The following GNPAT variants were observed in gnomAD, a reference collection of about 807,000 sequenced individuals.
The protein encoded by GNPAT is glyceronephosphate O-acyltransferase.
A neutral mutation model predicts 78.4 loss-of-function variants in GNPAT; 30 were observed. The ratio of observed to expected loss-of-function variants is 0.38; its 90% CI spans 0.29 to 0.52. The LOEUF (loss-of-function observed/expected upper bound fraction) is 0.52. Ranked by LOEUF, GNPAT falls within the 20% of genes least tolerant of loss-of-function variation. GNPAT has a pLI of 0.84. For missense variants in GNPAT, 714 were observed against 812.2 expected, an observed-to-expected ratio of 0.88 and a Z score of 1.47; for synonymous variants, 271 against 281.1, an observed-to-expected ratio of 0.96 and a Z score of 0.36.
rs562281255 is a variant in GNPAT, at chr1:231,241,269, G to A, written c.-110G>A. On this transcript the variant is annotated 5_prime_UTR_variant, in exon 1 of 16. Transcript: ENST00000366647. The stretch of plus-strand genomic sequence containing the variant: ...CTGTGTAGCGGCTGCAGAGGGTGCC[G>A]CCGCCCTAGGCGAAGTAGGGCCGTC... 26 of 1,410,728 alleles carry A rather than the reference G, an allele frequency of 1.8e-5. No individual in the cohort carries two copies. The highest frequency in any genetic ancestry group is 5.7e-5 in the South Asian group (5 of 87,072). 87.4% of individuals were successfully genotyped at this position (1,410,728 alleles called of 1,614,324 possible).
At chr1:231,269,501 C>T (rs574638728) in intron 9 of GNPAT, among the ~76,000 whole-genome samples, 6 of 152,264 alleles carry the variant, frequency 3.9e-5, no homozygotes, top group East Asian at 1.9e-4. Context: ...ATGCCTGAGC[C>T]GCAGCAGTGG....
At chr1:231,252,886 G>A (rs566143823) in intron 2 of GNPAT, among the ~76,000 whole-genome samples, 50 of 149,800 alleles carry the variant, frequency 3.3e-4, no homozygotes, top group Non-Finnish European at 6.1e-4. Context: ...GCTCACTCTC[G>A]TCTTCCCCAT....
chr1:231,260,736 A>C, intron 3 of GNPAT, 53 bp downstream of exon 3: 1 of 1,215,818 alleles, frequency 8.2e-7, no homozygotes, highest in Non-Finnish European at 1.2e-6. Flanking sequence ...TCTTAAAATT[A>C]AACAAAAAAA....
rs750882112 is a variant in GNPAT at position 231,251,127 on chromosome 1, A to G, written c.245A>G (p.His82Arg). ...KCSVLNSEEI[H>R]YVIKQLSKES... ...AGTGTTCTCAATTCTGAGGAGATTC[A>G]TTATGTCATTAAACAGGTAAGTGAT... The change falls in exon 2 of 16, where the codon CAT becomes CGT. Residue 82 changes from histidine to arginine, a missense_variant. Coordinates refer to ENST00000366647, the MANE Select transcript of GNPAT (RefSeq NM_014236.4). 1.3e-6 allele frequency: 2 copies of G among 1,577,212 alleles called. No individual in the cohort carries two copies. The highest frequency in any genetic ancestry group is 1.7e-5 in the Admixed American group (1 of 58,844).
chr1:231,273,504 G>C (rs1004026105), intron 11 of GNPAT, among the ~76,000 whole-genome samples: 5 of 152,130 alleles, frequency 3.3e-5, no homozygotes, highest in Non-Finnish European at 5.9e-5. Flanking sequence ...GCCCGCCTCA[G>C]CCTCTCAAAG....
chr1:231,244,341 GA>G (rs571597954), intron 1 of GNPAT, among the ~76,000 whole-genome samples: 5 of 152,300 alleles, frequency 3.3e-5, no homozygotes, highest in African/African-American at 4.8e-5. Flanking sequence ...GTAATCCAGA[GA>G]AGTAATGAAG....
intron 2 of GNPAT, among the ~76,000 whole-genome samples, chr1:231,259,647 CAA>C (rs11446278): frequency 6.8e-5 from 8 of 117,604 alleles, no homozygotes; most frequent in Non-Finnish European, 5.3e-5. Context: ...AACTCCGTCT[CAA>C]AAAAAAAAAA....
chr1:231,241,349 C>T lies in GNPAT; in HGVS notation c.-30C>T. The T allele has an allele frequency of 1.3e-6, 2 of 1,587,714 alleles. No homozygotes were observed. The highest frequency in any genetic ancestry group is 1.7e-6 in the Non-Finnish European group (2 of 1,155,904). ...CACCACCACGGCTTAGCAAAGAATCCCAGACCCCGCCCGGGAAGGCAGCCG... is the reference window on the plus strand; with the variant it reads ...CACCACCACGGCTTAGCAAAGAATCTCAGACCCCGCCCGGGAAGGCAGCCG... On this transcript the variant is annotated 5_prime_UTR_variant, in exon 1 of 16. Transcript: ENST00000366647.
intron 2 of GNPAT, among the ~76,000 whole-genome samples, chr1:231,252,283 G>A (rs1393278881): frequency 1.3e-5 from 2 of 152,202 alleles, no homozygotes; most frequent in Admixed American, 1.3e-4. Context: ...GACCAGTTGG[G>A]TGTAGGAATG....
chr1:231,265,095 G>A (rs551844155), intron 4 of GNPAT, among the ~76,000 whole-genome samples, 198 bp from the exon 5 acceptor site: 3 of 152,318 alleles, frequency 2.0e-5, no homozygotes, highest in Admixed American at 6.5e-5. Context: ...GCTTATGCCT[G>A]TAATCCCAGT....
Position 231,266,296 on chromosome 1 carries a change from A to G in GNPAT, c.944A>G (p.Lys315Arg). 1.2e-6 allele frequency: 2 copies of G among 1,614,168 alleles called. No individual in the cohort carries two copies. The highest frequency in any genetic ancestry group is 1.1e-5 in the South Asian group (1 of 91,082). The stretch of plus-strand genomic sequence containing the variant: ...TATTAGGGGTTGCTGAAAGCCAGAA[A>G]GATTCTCTCTGAAAATTTTGGAAGC... ...ESTTGLLKARKILSENFGSIH... is the reference protein window; with the variant it reads ...ESTTGLLKARRILSENFGSIH... Residue 315 changes from lysine to arginine, a missense_variant, in exon 8 of 16, where the codon AAG (lysine) becomes AGG (arginine). Physicochemically the swap from Lys to Arg is conservative, Grantham distance 26 (BLOSUM62 2). Coordinates refer to ENST00000366647, the MANE Select transcript of GNPAT (RefSeq NM_014236.4).
chr1:231,277,073 A>G (rs1380096254), intron 15 of GNPAT, among the ~76,000 whole-genome samples: 1 of 152,202 alleles, frequency 6.6e-6, no homozygotes, highest in Non-Finnish European at 1.5e-5. Context: ...GGGAAGGCGG[A>G]AGTACTAGAC....
At chr1:231,243,803 C>T (rs142108477) in intron 1 of GNPAT, among the ~76,000 whole-genome samples, 11 of 152,074 alleles carry the variant, frequency 7.2e-5, no homozygotes, top group African/African-American at 2.2e-4. Context: ...TTTTATGTGT[C>T]GTGTTTACAT....
intron 8 of GNPAT, among the ~76,000 whole-genome samples, chr1:231,267,473 A>G (rs1685421342): frequency 6.6e-6 from 1 of 152,054 alleles, no homozygotes; most frequent in Non-Finnish European, 1.5e-5. Flanking sequence ...CCCCTTCAGT[A>G]TTTTTACCAT....
chr1:231,262,051 A>G (rs1305524115), intron 3 of GNPAT, among the ~76,000 whole-genome samples: 2 of 152,242 alleles, frequency 1.3e-5, no homozygotes, highest in African/African-American at 4.8e-5. Context: ...TCAAAAAAAC[A>G]GATAACACAT....
intron 4 of GNPAT, among the ~76,000 whole-genome samples, chr1:231,264,317 A>G (rs1488067431): frequency 6.6e-6 from 1 of 152,228 alleles, no homozygotes; most frequent in African/African-American, 2.4e-5. Flanking sequence ...ATTAATTTTA[A>G]TAGCCATATA....
chr1:231,258,574 T>G (rs1257088464), intron 2 of GNPAT, among the ~76,000 whole-genome samples: 1 of 149,888 alleles, frequency 6.7e-6, no homozygotes, highest in East Asian at 2.0e-4. Context: ...GCTGTATACT[T>G]AAAAATGGTT....
rs1221456278 is a variant in GNPAT, at chr1:231,270,823, G to A, written c.1345G>A (p.Val449Ile). The change falls in exon 10 of 16, where the codon GTC becomes ATC. Residue 449 changes from valine (V) to isoleucine (I), a missense_variant. Physicochemically the swap from Val to Ile is conservative, Grantham distance 29. Transcript: ENST00000366647. ...TCTGCATTCCAACATTGCCAGCCTT[G>A]TCAAAGACCAGGTGATTCTGAAAGT... ...ILLHSNIASL[V>I]KDQVILKVDS... 1.2e-6 allele frequency: 2 copies of A among 1,614,016 alleles called. No homozygotes were observed. The highest frequency in any genetic ancestry group is 1.7e-6 in the Non-Finnish European group (2 of 1,179,992).
Position 231,265,735 on chromosome 1 carries a change from T to C in GNPAT, c.720T>C (p.Phe240=). 6.2e-7 allele frequency: 1 copy of C among 1,605,604 alleles called. No homozygotes were observed. Among genetic ancestry groups the C allele is most frequent in the Non-Finnish European group, 8.5e-7 (1 of 1,172,148 alleles). The stretch of plus-strand genomic sequence containing the variant: ...AGAATGGTTATGCTCCTGTTGAATT[T>C]TTCCTCGAAGGGACAAGAAGCCGCT... The part of the protein sequence containing the change: ...MLRNGYAPVE[F]FLEGTRSRSA... Residue 240 remains phenylalanine (F), a synonymous_variant, in exon 6 of 16, where the codon TTT becomes TTC. Coordinates refer to ENST00000366647, the MANE Select transcript of GNPAT (RefSeq NM_014236.4).
Sources: gnomAD v4.1 joint callset for allele counts (sites outside exome capture counted in the v4.1 genomes callset) on GRCh38, gnomAD v4.1.1 for gene constraint, MANE v1.5 for transcripts, NCBI Gene and HGNC (gene_info 2026-07-23, HGNC 2026-07-21) for gene names.